OAS2: variants seen among roughly 807,000 people sequenced by gnomAD.
The protein encoded by OAS2 is 2'-5'-oligoadenylate synthase 2.
Under a neutral mutation model 71.3 loss-of-function variants are expected in OAS2, and 67 were observed. That is an observed-to-expected ratio of 0.94 (90% CI 0.77 to 1.15). The LOEUF (loss-of-function observed/expected upper bound fraction) is 1.15, where lower values mean the gene tolerates loss of function less well. Among genes scored for constraint, OAS2 ranks in the 50% most tolerant of loss-of-function variants. The pLI is 0.00. For synonymous variants in OAS2, 327 were observed against 321.8 expected (o/e 1.02, Z -0.17); for missense variants, 789 against 822.5 (o/e 0.96, Z 0.50).
chr12:113,010,496 C>T lies in OAS2; in HGVS notation c.*1241C>T, dbSNP rs1192634602. 6.2e-7 allele frequency: 1 copy of T among 1,611,108 alleles called. No individual in the cohort carries two copies. Among genetic ancestry groups the T allele is most frequent in the Admixed American group, 1.7e-5 (1 of 59,640 alleles). Reference sequence around the variant, plus strand: ...AAAGAAACTTCTAGAGATCATCTGGCAATCGCTTTTAAAGACTCGGCTCAC... The same window carrying T: ...AAAGAAACTTCTAGAGATCATCTGGTAATCGCTTTTAAAGACTCGGCTCAC... On this transcript the variant is annotated 3_prime_UTR_variant, in exon 10 of 10. Transcript: ENST00000392583.
chr12:113,008,031 G>A (rs1420424460), intron 9 of OAS2, 88 bp downstream of exon 9: 8 of 929,368 alleles, frequency 8.6e-6, no homozygotes, highest in South Asian at 7.3e-5. Flanking sequence ...CTGGGGTCAC[G>A]ATTCATTCCT....
intron 8 of OAS2, among the ~76,000 whole-genome samples, chr12:113,006,896 C>G (rs1213993453): frequency 6.6e-6 from 1 of 152,228 alleles, no homozygotes; most frequent in Non-Finnish European, 1.5e-5. Flanking sequence ...CTGGGATTCA[C>G]ATGCCCACAC....
chr12:113,004,905 C>A, intron 6 of OAS2, 29 bp from the exon 7 acceptor site: 1 of 1,607,802 alleles, frequency 6.2e-7, no homozygotes, highest in South Asian at 1.1e-5. Context: ...TAAGGAAATT[C>A]TGGATCTCAA....
At chr12:112,985,949 G>A (rs1019601988) in intron 1 of OAS2, among the ~76,000 whole-genome samples, 1 of 152,156 alleles carries the variant, frequency 6.6e-6, no homozygotes, top group Non-Finnish European at 1.5e-5. Context: ...TCCAGCCTAG[G>A]TGACAGAGCA....
chr12:112,990,193 C>T (rs2044179074), intron 2 of OAS2, among the ~76,000 whole-genome samples: 1 of 152,298 alleles, frequency 6.6e-6, no homozygotes, highest in East Asian at 1.9e-4. Flanking sequence ...AATATGAGGA[C>T]CATGACCTGT....
chr12:113,009,436 A>G lies in OAS2; in HGVS notation c.*181A>G, dbSNP rs2044361825. 3 of 1,435,270 alleles carry G rather than the reference A, an allele frequency of 2.1e-6. No individual in the cohort carries two copies. The highest frequency in any genetic ancestry group is 2.7e-6 in the Non-Finnish European group (3 of 1,097,652). The allele number at this position is 1,435,270 out of a possible 1,614,324, so 88.9% of individuals were successfully genotyped here. ...TCCTCAGGCAGGTAACCCCAGATTC[A>G]TGCACTGTAGGGTGCTGCGCAGCAT... On this transcript the variant is annotated 3_prime_UTR_variant, in exon 10 of 10. Transcript: ENST00000392583.
At chr12:113,002,895 G>A (rs374251982) in intron 5 of OAS2, 37 bp from the exon 6 acceptor site, 1 of 1,604,780 alleles carries the variant, frequency 6.2e-7, no homozygotes, top group East Asian at 2.2e-5. Context: ...GGGCTTACAG[G>A]TGCCACTCAC....
At chr12:112,986,412 G>A (rs1264022348) in intron 1 of OAS2, among the ~76,000 whole-genome samples, 1 of 152,156 alleles carries the variant, frequency 6.6e-6, no homozygotes, top group Non-Finnish European at 1.5e-5. Context: ...GCAGCAGCAG[G>A]CCAACCCTCA....
At chr12:112,990,683 T>C (rs571112538) in intron 2 of OAS2, among the ~76,000 whole-genome samples, 9 of 152,332 alleles carry the variant, frequency 5.9e-5, no homozygotes, top group Admixed American at 3.3e-4. Flanking sequence ...TATTTTGGGG[T>C]AAAATACTTT....
chr12:112,989,044 G>A (rs544256805), intron 2 of OAS2, among the ~76,000 whole-genome samples: 3 of 152,304 alleles, frequency 2.0e-5, no homozygotes, highest in African/African-American at 7.2e-5. Context: ...TGTATACGTG[G>A]TATGGTTTGG....
In OAS2 at chr12:113,005,135, G is replaced by C. The variant is rs2044320015; in HGVS notation, c.1381G>C (p.Ala461Pro). Residue 461 changes from alanine (A) to proline (P), a missense_variant, in exon 7 of 10, where the codon GCT becomes CCT. Ala to Pro is a conservative substitution (Grantham distance 27, BLOSUM62 -1). Coordinates refer to ENST00000392583, the MANE Select transcript of OAS2 (RefSeq NM_002535.3). ...CAGCTTTGAGCCTCCCAAGTGGAAG[G>C]CTCCCAGGGTGCTGAGCTTCTCTCT... Reference protein sequence around the residue: ...EVSFEPPKWKAPRVLSFSLKS... With the variant: ...EVSFEPPKWKPPRVLSFSLKS... 6.2e-7 allele frequency: 1 copy of C among 1,614,120 alleles called. No individual in the cohort carries two copies. The highest frequency in any genetic ancestry group is 2.2e-5 in the East Asian group (1 of 44,862).
Position 113,010,150 on chromosome 12 carries a change from C to T in OAS2, c.*895C>T, listed in dbSNP as rs895844609. ...GGTGAGAACCCTTGCACTAGAGGAA[C>T]CCTACACCCCAACCCTGGGGGGAAT... On this transcript the variant is annotated 3_prime_UTR_variant, in exon 10 of 10. Transcript: ENST00000392583. 1 of 1,274,556 alleles carries T rather than the reference C, an allele frequency of 7.8e-7. No homozygotes were observed. Among genetic ancestry groups the T allele is most frequent in the African/African-American group, 1.5e-5 (1 of 65,622 alleles). The allele number at this position is 1,274,556 out of a possible 1,614,324, so 79.0% of individuals were successfully genotyped here. A position where few individuals can be genotyped will look rare whatever the true frequency, so the allele number is the denominator to read the frequency against.
chr12:112,982,783 AGC>A (rs1320323338), intron 1 of OAS2, among the ~76,000 whole-genome samples: 1 of 152,202 alleles, frequency 6.6e-6, no homozygotes, highest in East Asian at 1.9e-4. Flanking sequence ...GGTAGAGTTC[AGC>A]AGTAAAGCCA....
chr12:112,981,317 C>T (rs540822361), intron 1 of OAS2, among the ~76,000 whole-genome samples: 1 of 152,210 alleles, frequency 6.6e-6, no homozygotes, highest in Admixed American at 6.5e-5. Context: ...AAGCATTACT[C>T]TTCTGCTTTA....
chr12:112,979,456 GCCT>G (rs1374391941), intron 1 of OAS2, among the ~76,000 whole-genome samples: 2 of 152,182 alleles, frequency 1.3e-5, no homozygotes, highest in Admixed American at 6.5e-5. Context: ...ATCCGCTAGT[GCCT>G]CAATAAAGAA....
At chr12:112,983,275 G>A (rs1052135096) in intron 1 of OAS2, among the ~76,000 whole-genome samples, 1 of 152,020 alleles carries the variant, frequency 6.6e-6, no homozygotes, top group African/African-American at 2.4e-5. Flanking sequence ...GCCCAAGCTG[G>A]AGTGCAATGA....
chr12:113,002,738 T>C (rs1212903304), intron 5 of OAS2, among the ~76,000 whole-genome samples, 194 bp from the exon 6 acceptor site: 2 of 152,116 alleles, frequency 1.3e-5, no homozygotes, highest in Admixed American at 6.5e-5. Flanking sequence ...TGGGGGGTCT[T>C]GTGTGCCACT....
chr12:113,004,820 C>T (rs534502358), intron 6 of OAS2, 114 bp from the exon 7 acceptor site: 25 of 996,482 alleles, frequency 2.5e-5, no homozygotes, highest in South Asian at 2.4e-4. Flanking sequence ...TGAACCCTAA[C>T]GCAGAACTTG....
In OAS2 at chr12:112,988,728, G is replaced by A. The variant is rs141380561; in HGVS notation, c.448+1420G>A. On this transcript the variant is annotated intron_variant, in intron 2 of 9. Coordinates refer to ENST00000392583, the MANE Select transcript of OAS2 (RefSeq NM_002535.3). ...AACGAAGACACTAACAAAGAATGGC[G>A]CATTCCTCCTTCTCCTTTCTGAGGA... is the stretch of plus-strand genomic sequence containing the variant. 57 of 985,306 alleles carry A rather than the reference G, an allele frequency of 5.8e-5. No homozygotes were observed. The Middle Eastern group carries it at 2.1e-3, about 36-fold the overall frequency. The allele number at this position is 985,306 out of a possible 1,614,324, so 61.0% of individuals were successfully genotyped here.
Sources: allele counts gnomAD v4.1 joint callset (sites outside exome capture counted in the v4.1 genomes callset), GRCh38; gene constraint gnomAD v4.1.1; transcripts MANE v1.5; gene names NCBI Gene and HGNC (gene_info 2026-07-23, HGNC 2026-07-21).